MTRF1: variants seen among roughly 807,000 people sequenced by gnomAD.
The protein encoded by MTRF1 is peptide chain release factor 1, mitochondrial.
In MTRF1, 51 loss-of-function variants were observed where a neutral mutation model predicts 62.9. That is an observed-to-expected ratio of 0.81 (90% CI 0.65 to 1.02). The LOEUF (loss-of-function observed/expected upper bound fraction) is 1.02. Among genes scored for constraint, MTRF1 ranks in the 50% least tolerant of loss-of-function variants. The pLI is 0.00. For missense variants in MTRF1, 446 were observed against 530.0 expected (o/e 0.84, Z 1.56); for synonymous variants, 158 against 181.9 (o/e 0.87, Z 1.06).
chr13:41,263,787 G>A (rs2040729066), upstream of MTRF1, among the ~76,000 whole-genome samples: 1 of 151,626 alleles, frequency 6.6e-6, no homozygotes, highest in Non-Finnish European at 1.5e-5. Context: ...TGAGCCCAGA[G>A]CGGGGATGGA....
intron 5 of MTRF1, among the ~76,000 whole-genome samples, chr13:41,246,834 G>A (rs73179132): frequency 0.047 from 7,146 of 152,256 alleles, 232 homozygotes; most frequent in Non-Finnish European, 0.076. Flanking sequence ...AGAGAAGACT[G>A]TGACTTATTT....
intron 3 of MTRF1, among the ~76,000 whole-genome samples, chr13:41,253,345 T>C (rs2039319464): frequency 6.6e-6 from 1 of 152,226 alleles, no homozygotes; most frequent in Non-Finnish European, 1.5e-5. Context: ...TTGGCGCTTA[T>C]AATTAGTTCT....
chr13:41,288,519 G>A, the MTRF1 span, among the ~76,000 whole-genome samples: 38 of 152,192 alleles, frequency 2.5e-4, no homozygotes, highest in Non-Finnish European at 4.6e-4. Context: ...TGGACAATTG[G>A]AAAAAGATGG....
chr13:41,282,711 A>G, the MTRF1 span, among the ~76,000 whole-genome samples: 1 of 152,326 alleles, frequency 6.6e-6, no homozygotes, highest in African/African-American at 2.4e-5. Context: ...TTTAGTTACA[A>G]TCTCAAGAGA....
chr13:41,249,573 T>C (rs1452474324), intron 5 of MTRF1, among the ~76,000 whole-genome samples: 3 of 147,846 alleles, frequency 2.0e-5, no homozygotes, highest in Non-Finnish European at 4.5e-5. Context: ...TTAGAAATTA[T>C]AATTTCAATG....
chr13:41,282,440 G>C, the MTRF1 span, among the ~76,000 whole-genome samples: 4 of 152,216 alleles, frequency 2.6e-5, no homozygotes, highest in Admixed American at 2.0e-4. Flanking sequence ...CGACAGAGCA[G>C]AACCCTGTCT....
the MTRF1 span, chr13:41,287,781 G>T: frequency 5.0e-6 from 1 of 201,504 alleles, no homozygotes; most frequent in Non-Finnish European, 1.1e-5. Context: ...CTTCACAGGA[G>T]GTGGGCAGAG....
rs568190177 is a variant in MTRF1, at chr13:41,219,247, C to T, written c.1225-2019G>A. On this transcript the variant is annotated intron_variant, in intron 9 of 9. Coordinates refer to ENST00000379480, the MANE Select transcript of MTRF1 (RefSeq NM_004294.4). ...CAGAGGTTGCAGTGAGCCGAGATTG[C>T]GCCGCTGCACTCCAGCCTGGGCAAC... Among the ~76,000 whole-genome samples the T allele has an allele frequency of 5.3e-5, 8 of 149,660 alleles. No individual in the cohort carries two copies. The South Asian group carries it at 6.3e-4, about 12-fold the overall frequency.
At chr13:41,253,776 C>G (rs1399740188) in intron 3 of MTRF1, among the ~76,000 whole-genome samples, 5 of 152,136 alleles carry the variant, frequency 3.3e-5, no homozygotes, top group Admixed American at 1.3e-4. Flanking sequence ...ACATCTTCTG[C>G]CTTTGATTAA....
upstream of MTRF1, among the ~76,000 whole-genome samples, chr13:41,265,100 T>C (rs78071049): frequency 2.5e-4 from 38 of 152,166 alleles, no homozygotes; most frequent in African/African-American, 9.2e-4. Context: ...ATAACTTGAG[T>C]ATTATATATA....
chr13:41,246,217 C>T (rs12860954), intron 5 of MTRF1, among the ~76,000 whole-genome samples: 1 of 152,122 alleles, frequency 6.6e-6, no homozygotes, highest in Non-Finnish European at 1.5e-5. Flanking sequence ...GATGCTTAGA[C>T]CATGCAGGTT....
At chr13:41,227,909 G>A (rs1305633391) in intron 7 of MTRF1, among the ~76,000 whole-genome samples, 2 of 152,212 alleles carry the variant, frequency 1.3e-5, no homozygotes, top group Admixed American at 6.5e-5. Flanking sequence ...TGGACTGGGG[G>A]CACTGGCTGG....
chr13:41,218,469 A>C (rs1306559236), intron 9 of MTRF1, among the ~76,000 whole-genome samples: 3 of 152,080 alleles, frequency 2.0e-5, no homozygotes, highest in Non-Finnish European at 4.4e-5. Context: ...GTTTGAAATA[A>C]AAAGTTGAGA....
chr13:41,245,095 TTTC>T (rs2038063865), intron 5 of MTRF1, among the ~76,000 whole-genome samples: 2 of 152,226 alleles, frequency 1.3e-5, no homozygotes, highest in Non-Finnish European at 2.9e-5. Flanking sequence ...TAACTACTAC[TTTC>T]TTAAGGCATT....
At chr13:41,306,101 G>A in the MTRF1 span, among the ~76,000 whole-genome samples, 1 of 152,160 alleles carries the variant, frequency 6.6e-6, no homozygotes, top group Admixed American at 6.5e-5. Flanking sequence ...AAAAAGAGCC[G>A]GCTGGGCGCG....
At chr13:41,311,208 G>C in the MTRF1 span, 1 of 472,280 alleles carries the variant, frequency 2.1e-6, no homozygotes, top group Non-Finnish European at 3.7e-6. Context: ...CCTCGCCAAA[G>C]GGCGCTCCGC....
upstream of MTRF1, among the ~76,000 whole-genome samples, chr13:41,265,525 C>T (rs535371089): frequency 6.6e-6 from 1 of 152,188 alleles, no homozygotes; most frequent in Admixed American, 6.5e-5. Flanking sequence ...TATTGAAGCC[C>T]TAACCCCTCC....
intron 2 of MTRF1, among the ~76,000 whole-genome samples, chr13:41,259,439 C>T (rs1167375769): frequency 6.6e-6 from 1 of 152,136 alleles, no homozygotes; most frequent in Non-Finnish European, 1.5e-5. Context: ...GTGGCTCATG[C>T]CTGTAATCCC....
At chr13:41,249,740 C>T (rs2038819929) in intron 5 of MTRF1, among the ~76,000 whole-genome samples, 1 of 143,572 alleles carries the variant, frequency 7.0e-6, no homozygotes, top group African/African-American at 2.6e-5. Flanking sequence ...GATTCCCATG[C>T]CTCAGCCTCC....
Sources: gnomAD v4.1 joint callset for allele counts (sites outside exome capture counted in the v4.1 genomes callset) on GRCh38, gnomAD v4.1.1 for gene constraint, MANE v1.5 for transcripts, NCBI Gene and HGNC (gene_info 2026-07-23, HGNC 2026-07-21) for gene names.